BACH2: variants seen among roughly 807,000 people sequenced by gnomAD.
BACH2 encodes the protein BACH transcriptional regulator 2, also known as transcription regulator protein BACH2.
In BACH2, 5 loss-of-function variants were observed where a neutral mutation model predicts 61.8. The observed-to-expected ratio is 0.08, with a 90% CI of 0.04 to 0.17. The LOEUF (loss-of-function observed/expected upper bound fraction) is 0.17, where lower values mean the gene tolerates loss of function less well. Ranked by LOEUF, BACH2 falls within the 10% of genes least tolerant of loss-of-function variation. BACH2 has a pLI of 1.00. For synonymous variants in BACH2, 446 were observed against 440.1 expected (o/e 1.01, Z -0.17); for missense variants, 824 against 1,091.1 (o/e 0.76, Z 3.45).
intron 5 of BACH2, among the ~76,000 whole-genome samples, chr6:90,075,055 G>T (rs930696671): frequency 6.6e-6 from 1 of 152,144 alleles, no homozygotes; most frequent in Non-Finnish European, 1.5e-5. Flanking sequence ...ACAGCATGCT[G>T]CATCAAGAGG....
intron 4 of BACH2, among the ~76,000 whole-genome samples, chr6:90,102,826 AT>A (rs1290329145): frequency 5.7e-5 from 8 of 139,562 alleles, no homozygotes; most frequent in Admixed American, 2.2e-4. Context: ...AATAATAATA[AT>A]AATAATAATA....
intron 4 of BACH2, among the ~76,000 whole-genome samples, chr6:90,104,950 C>T (rs1245086259): frequency 6.6e-6 from 1 of 152,076 alleles, no homozygotes; most frequent in Non-Finnish European, 1.5e-5. Flanking sequence ...TCTGGCCTTC[C>T]GAAAGGTCAT....
At chr6:90,157,611 A>G (rs552275916) in intron 4 of BACH2, among the ~76,000 whole-genome samples, 2 of 152,318 alleles carry the variant, frequency 1.3e-5, no homozygotes, top group East Asian at 3.9e-4. Context: ...ACCGCTGTGC[A>G]TGAGCCAAGC....
chr6:89,953,580 T>C (rs955829346), intron 6 of BACH2, among the ~76,000 whole-genome samples: 5 of 152,208 alleles, frequency 3.3e-5, no homozygotes, highest in Admixed American at 3.3e-4. Flanking sequence ...GTTTCTACCA[T>C]AAGACAGCAA....
At chr6:89,977,428 GT>G (rs1775711888) in intron 6 of BACH2, among the ~76,000 whole-genome samples, 1 of 152,168 alleles carries the variant, frequency 6.6e-6, no homozygotes, top group Non-Finnish European at 1.5e-5. Flanking sequence ...GCTGGTTCCA[GT>G]TCAGTGATTG....
chr6:90,140,595 G>A (rs1784428739), intron 4 of BACH2, among the ~76,000 whole-genome samples: 1 of 152,170 alleles, frequency 6.6e-6, no homozygotes, highest in Admixed American at 6.5e-5. Flanking sequence ...AGCCCAGGTG[G>A]TAGCAAATAT....
chr6:89,955,237 G>A (rs1249401000), intron 6 of BACH2, among the ~76,000 whole-genome samples: 4 of 152,228 alleles, frequency 2.6e-5, no homozygotes, highest in Admixed American at 2.6e-4. Context: ...TTCTGTGCTA[G>A]TGGTGTGAGG....
intron 5 of BACH2, among the ~76,000 whole-genome samples, chr6:90,078,613 C>T (rs777228975): frequency 2.0e-5 from 3 of 152,158 alleles, no homozygotes; most frequent in African/African-American, 4.8e-5. Context: ...TATGATGCAA[C>T]TGCACAAATG....
intron 4 of BACH2, among the ~76,000 whole-genome samples, chr6:90,156,302 A>G (rs1020847087): frequency 6.6e-6 from 1 of 152,196 alleles, no homozygotes; most frequent in African/African-American, 2.4e-5. Context: ...CTCTACTTTC[A>G]TAACAACCCC....
chr6:90,141,170 A>AT lies in BACH2; in HGVS notation c.-161-52062dup, dbSNP rs553186997. Among the ~76,000 whole-genome samples the AT allele has an allele frequency of 3.6e-3, 548 of 151,472 alleles. 5 individuals carry two copies. Among genetic ancestry groups the AT allele is most frequent in the Middle Eastern group, 3.4e-3 (1 of 292 alleles). The stretch of plus-strand genomic sequence containing the variant: ...TAAAATAAAATGTATTGCGTGATAC[A>AT]TTTTTTTTTCCAACTGCTCCCCCAC... On this transcript the variant is annotated intron_variant, in intron 4 of 8. Transcript: ENST00000257749.
intron 8 of BACH2, among the ~76,000 whole-genome samples, chr6:89,937,380 G>A (rs1033491547): frequency 6.6e-6 from 1 of 152,188 alleles, no homozygotes; most frequent in Non-Finnish European, 1.5e-5. Context: ...GTACTGGGAA[G>A]TTTTCCAGCC....
At chr6:90,110,030 T>C (rs1783100459) in intron 4 of BACH2, among the ~76,000 whole-genome samples, 1 of 152,216 alleles carries the variant, frequency 6.6e-6, no homozygotes, top group Admixed American at 6.5e-5. Flanking sequence ...AAAACATAAG[T>C]GAGAGAATTA....
intron 3 of BACH2, among the ~76,000 whole-genome samples, chr6:90,212,632 C>T (rs1447249985): frequency 6.6e-6 from 1 of 152,186 alleles, no homozygotes; most frequent in Non-Finnish European, 1.5e-5. Flanking sequence ...AGCATCTTCC[C>T]ATCAAGCATC....
intron 6 of BACH2, among the ~76,000 whole-genome samples, chr6:89,986,725 AACAAACCATCACCC>A (rs1776262154): frequency 1.3e-5 from 2 of 152,304 alleles, no homozygotes; most frequent in Admixed American, 1.3e-4. Flanking sequence ...GAGCTTGGCA[AACAAACCATCACCC>A]ACTCAGAACC....
chr6:90,270,882 T>A (rs1258126233), intron 2 of BACH2, among the ~76,000 whole-genome samples: 2 of 152,172 alleles, frequency 1.3e-5, no homozygotes, highest in Non-Finnish European at 2.9e-5. Context: ...AACAGGCACA[T>A]AGACCAATGG....
intron 6 of BACH2, among the ~76,000 whole-genome samples, chr6:89,957,298 C>T (rs1296528653): frequency 6.6e-6 from 1 of 152,248 alleles, no homozygotes; most frequent in Admixed American, 6.5e-5. Context: ...TTATCACATT[C>T]TTCTTCCAAA....
At chr6:90,014,438 G>GTATATA (rs1777911285) in intron 5 of BACH2, among the ~76,000 whole-genome samples, 17 of 73,166 alleles carry the variant, frequency 2.3e-4, no homozygotes, top group African/African-American at 7.7e-4. Flanking sequence ...GTGTGTGTGT[G>GTATATA]TGTATATATA....
At chr6:90,228,517 G>T (rs1769988093) in intron 3 of BACH2, among the ~76,000 whole-genome samples, 1 of 152,210 alleles carries the variant, frequency 6.6e-6, no homozygotes. Context: ...GTCAAGGCAG[G>T]CGGATTGCTT....
chr6:90,014,464 ATATATTTTTTTTTTTT>A (rs1453720576), intron 5 of BACH2, among the ~76,000 whole-genome samples: 3 of 56,430 alleles, frequency 5.3e-5, no homozygotes, highest in African/African-American at 1.1e-4. Flanking sequence ...ATATATATAT[ATATATTTTTTTTTTTT>A]TTTTTTTTTT....
Sources: allele counts gnomAD v4.1 joint callset (sites outside exome capture counted in the v4.1 genomes callset), GRCh38; gene constraint gnomAD v4.1.1; transcripts MANE v1.5; gene names NCBI Gene and HGNC (gene_info 2026-07-23, HGNC 2026-07-21).